Variants in NKAIN2 observed in about 807,000 individuals in gnomAD.
NKAIN2 encodes the protein sodium/potassium-transporting ATPase subunit beta-1-interacting protein 2.
In NKAIN2, 14 loss-of-function variants were observed where a neutral mutation model predicts 32.6. That is an observed-to-expected ratio of 0.43 (90% CI 0.28 to 0.67). NKAIN2 has a LOEUF of 0.67. Ranked by LOEUF, NKAIN2 falls within the 30% of genes least tolerant of loss-of-function variation. NKAIN2 has a pLI of 0.17. For synonymous variants in NKAIN2, 80 were observed against 87.2 expected, an observed-to-expected ratio of 0.92 and a Z score of 0.46; for missense variants, 198 against 258.3, an observed-to-expected ratio of 0.77 and a Z score of 1.60.
At chr6:124,474,887 T>C (rs1777133714) in intron 3 of NKAIN2, among the ~76,000 whole-genome samples, 1 of 52,390 alleles carries the variant, frequency 1.9e-5, no homozygotes, top group Admixed American at 1.9e-4. Context: ...GTATATTATA[T>C]ATTATATATG....
chr6:124,211,106 A>G lies in NKAIN2; in HGVS notation c.55-71899A>G, dbSNP rs1568754. On this transcript the variant is annotated intron_variant, in intron 1 of 6. Coordinates refer to ENST00000368417, the MANE Select transcript of NKAIN2 (RefSeq NM_001040214.3). ...GACATTGGCAAAAATGACTGGAACAATGTATATATTGTGAGCTGATAAATA... is the reference window on the plus strand; with the variant it reads ...GACATTGGCAAAAATGACTGGAACAGTGTATATATTGTGAGCTGATAAATA... Among the ~76,000 whole-genome samples the G allele has an allele frequency of 1.8e-3, 281 of 151,906 alleles. 3 individuals carry two copies. Among genetic ancestry groups the G allele is most frequent in the African/African-American group, 5.5e-3 (228 of 41,528 alleles).
intron 3 of NKAIN2, among the ~76,000 whole-genome samples, chr6:124,517,080 G>C (rs1017207784): frequency 2.0e-5 from 3 of 152,024 alleles, no homozygotes; most frequent in African/African-American, 7.2e-5. Flanking sequence ...ATATGTCTTG[G>C]GAGGCTTATC....
At position 123,804,195 on chromosome 6, in the gene NKAIN2, G is replaced by A; in HGVS notation, c.-6G>A. On this transcript the variant is annotated 5_prime_UTR_variant, in exon 1 of 7. Coordinates refer to ENST00000368417, the MANE Select transcript of NKAIN2 (RefSeq NM_001040214.3). ...CAGTCTGGCTGTGGCAGGGGTCTCG[G>A]AAACCATGGGTTATTGCAGTGGCAG... 6.2e-7 allele frequency: 1 copy of A among 1,613,912 alleles called. No homozygotes were observed. The highest frequency in any genetic ancestry group is 8.5e-7 in the Non-Finnish European group (1 of 1,179,844).
chr6:124,436,895 C>T (rs1424521883), intron 3 of NKAIN2, among the ~76,000 whole-genome samples: 1 of 152,172 alleles, frequency 6.6e-6, no homozygotes, highest in African/African-American at 2.4e-5. Context: ...ATACGGTTCT[C>T]CATGAGCTGG....
chr6:124,012,592 C>A (rs1780387689), intron 1 of NKAIN2, among the ~76,000 whole-genome samples: 1 of 151,994 alleles, frequency 6.6e-6, no homozygotes, highest in African/African-American at 2.4e-5. Context: ...CCTCGGCCTC[C>A]CAAAGTGCTA....
chr6:124,402,684 A>C (rs373062144), intron 3 of NKAIN2, among the ~76,000 whole-genome samples: 6 of 152,220 alleles, frequency 3.9e-5, no homozygotes, highest in Non-Finnish European at 7.3e-5. Flanking sequence ...CATGATCCTA[A>C]GCAAACTAAC....
At chr6:124,474,202 A>G (rs686332) in intron 3 of NKAIN2, among the ~76,000 whole-genome samples, 117,245 of 151,866 alleles carry the variant, frequency 0.77, 45,372 homozygotes, top group East Asian at 0.86. Flanking sequence ...AAGGAAAAAA[A>G]AATACACCTT....
chr6:123,809,188 A>G (rs1227210750), intron 1 of NKAIN2, among the ~76,000 whole-genome samples: 1 of 152,190 alleles, frequency 6.6e-6, no homozygotes, highest in African/African-American at 2.4e-5. Context: ...TGAAACACAC[A>G]CATAGGAAAA....
intron 3 of NKAIN2, among the ~76,000 whole-genome samples, chr6:124,650,737 A>G (rs181944948): frequency 1.2e-4 from 18 of 152,280 alleles, no homozygotes; most frequent in Admixed American, 4.6e-4. Flanking sequence ...TGGGTATTAA[A>G]TTCACATGCT....
intron 3 of NKAIN2, among the ~76,000 whole-genome samples, chr6:124,626,268 G>A (rs1348791158): frequency 6.6e-6 from 1 of 151,738 alleles, no homozygotes; most frequent in Non-Finnish European, 1.5e-5. Flanking sequence ...AAAGGTGAGG[G>A]GCCAGATTCC....
chr6:123,889,351 C>A (rs556073942), intron 1 of NKAIN2, among the ~76,000 whole-genome samples: 1 of 152,040 alleles, frequency 6.6e-6, no homozygotes, highest in Non-Finnish European at 1.5e-5. Flanking sequence ...TATATTTTGC[C>A]CTTTTCTACC....
intron 3 of NKAIN2, among the ~76,000 whole-genome samples, chr6:124,623,490 C>T (rs1208317060): frequency 1.3e-5 from 2 of 152,086 alleles, no homozygotes; most frequent in Non-Finnish European, 1.5e-5. Flanking sequence ...AGGCATAGTT[C>T]CACAGATCTT....
At chr6:124,473,872 A>G (rs1280435145) in intron 3 of NKAIN2, among the ~76,000 whole-genome samples, 1 of 152,196 alleles carries the variant, frequency 6.6e-6, no homozygotes. Flanking sequence ...AAAACAAAAC[A>G]GAAAGTCCTC....
chr6:124,152,760 A>G (rs1787795165), intron 1 of NKAIN2, among the ~76,000 whole-genome samples: 1 of 151,978 alleles, frequency 6.6e-6, no homozygotes, highest in Non-Finnish European at 1.5e-5. Context: ...CAACCTAAGT[A>G]TCTGTCAGTG....
At chr6:124,700,040 G>A (rs185414928) in intron 4 of NKAIN2, among the ~76,000 whole-genome samples, 324 of 152,116 alleles carry the variant, frequency 2.1e-3, no homozygotes, top group Non-Finnish European at 3.3e-3. Context: ...AGAATTCTCT[G>A]CTCAGAAAAA....
At chr6:123,816,932 T>G (rs1773718010) in intron 1 of NKAIN2, among the ~76,000 whole-genome samples, 1 of 152,132 alleles carries the variant, frequency 6.6e-6, no homozygotes, top group Non-Finnish European at 1.5e-5. Flanking sequence ...GAATCATCAT[T>G]GTACATTTTG....
At chr6:124,417,239 G>A (rs1277381482) in intron 3 of NKAIN2, among the ~76,000 whole-genome samples, 2 of 152,114 alleles carry the variant, frequency 1.3e-5, no homozygotes, top group Non-Finnish European at 2.9e-5. Context: ...ATAGAAAACA[G>A]AAAGTTTCAA....
intron 3 of NKAIN2, among the ~76,000 whole-genome samples, chr6:124,438,261 T>C (rs753795560): frequency 1.4e-4 from 21 of 151,378 alleles, no homozygotes; most frequent in Non-Finnish European, 2.1e-4. Flanking sequence ...TCTGCTTCTA[T>C]AATGTTTTTT....
intron 1 of NKAIN2, among the ~76,000 whole-genome samples, chr6:124,186,764 G>A (rs534998283): frequency 6.6e-6 from 1 of 152,158 alleles, no homozygotes; most frequent in Admixed American, 6.5e-5. Flanking sequence ...TTTTAAATTA[G>A]CTAAAAAGCA....
Sources: allele counts gnomAD v4.1 joint callset (sites outside exome capture counted in the v4.1 genomes callset), GRCh38; gene constraint gnomAD v4.1.1; transcripts MANE v1.5; gene names NCBI Gene and HGNC (gene_info 2026-07-23, HGNC 2026-07-21).